FSTL4: variants seen among roughly 807,000 people sequenced by gnomAD.
FSTL4 encodes the protein follistatin like 4.
In FSTL4, 28 loss-of-function variants were observed where a neutral mutation model predicts 78.2. That is an observed-to-expected ratio of 0.36 (90% CI 0.27 to 0.49). The LOEUF is 0.49. FSTL4 is among the 20% of genes least tolerant of loss of function. The probability of loss-of-function intolerance (pLI) is 0.98; values close to 1 mark genes in which losing one functional copy is unlikely to be tolerated. For synonymous variants in FSTL4, 422 were observed against 440.5 expected (o/e 0.96, Z 0.53); for missense variants, 922 against 1,084.9 (o/e 0.85, Z 2.11).
the FSTL4 span, among the ~76,000 whole-genome samples, chr5:133,752,532 C>T: frequency 6.6e-6 from 1 of 152,060 alleles, no homozygotes; most frequent in African/African-American, 2.4e-5. Flanking sequence ...ATCACTTGAA[C>T]CCGGGAGGCA....
chr5:133,201,723 A>G (rs905315750), intron 15 of FSTL4, among the ~76,000 whole-genome samples: 3 of 152,174 alleles, frequency 2.0e-5, no homozygotes, highest in African/African-American at 7.2e-5. Context: ...GGGTGCCTTC[A>G]GTATAATAGA....
At chr5:133,353,184 C>T (rs1167561423) in intron 4 of FSTL4, among the ~76,000 whole-genome samples, 1 of 152,184 alleles carries the variant, frequency 6.6e-6, no homozygotes, top group Non-Finnish European at 1.5e-5. Flanking sequence ...TACAAATAAA[C>T]ACCCTCCTGC....
chr5:133,829,734 C>T, the FSTL4 span, among the ~76,000 whole-genome samples: 2 of 152,206 alleles, frequency 1.3e-5, no homozygotes, highest in African/African-American at 2.4e-5. Flanking sequence ...GCCAATTCTT[C>T]TTATGAAGTC....
the FSTL4 span, among the ~76,000 whole-genome samples, chr5:133,738,304 T>C: frequency 6.6e-6 from 1 of 152,198 alleles, no homozygotes; most frequent in Non-Finnish European, 1.5e-5. Context: ...CTTACCAAGT[T>C]TTGCTTGTTT....
chr5:133,665,303 C>T, the FSTL4 span, among the ~76,000 whole-genome samples: 1 of 152,306 alleles, frequency 6.6e-6, no homozygotes, highest in Middle Eastern at 3.4e-3. Flanking sequence ...TTTGGTCAGG[C>T]CATGTTCCAT....
the FSTL4 span, among the ~76,000 whole-genome samples, chr5:133,674,285 A>G: frequency 6.6e-6 from 1 of 152,006 alleles, no homozygotes; most frequent in Non-Finnish European, 1.5e-5. Flanking sequence ...TATGACAACA[A>G]TTTCCCCCTC....
At chr5:133,685,182 C>A in the FSTL4 span, among the ~76,000 whole-genome samples, 60,124 of 151,990 alleles carry the variant, frequency 0.4, 12,033 homozygotes, top group African/African-American at 0.45. Flanking sequence ...AGGAGCCTGC[C>A]CCTGGGGCTC....
the FSTL4 span, among the ~76,000 whole-genome samples, chr5:133,707,458 A>G: frequency 6.6e-6 from 1 of 152,198 alleles, no homozygotes; most frequent in Non-Finnish European, 1.5e-5. Flanking sequence ...AAAACCAAAT[A>G]GCGCCAAACA....
At position 133,372,217 on chromosome 5, in the gene FSTL4, C is replaced by CTATCTATGTATCTATG. The variant is rs1554108966; in HGVS notation, c.409+28505_409+28520dup. Among the ~76,000 whole-genome samples the CTATCTATGTATCTATG allele has an allele frequency of 3.4e-5, 5 of 147,886 alleles. No individual in the cohort carries two copies. In the South Asian group the frequency reaches 8.8e-4, roughly 26 times the overall value. ...ATTTGAGGACTGGCAGGGGAATTAT[C>CTATCTATGTATCTATG]TATCTATGTATCTATGTATCTATGT... On this transcript the variant is annotated intron_variant, in intron 4 of 15. Coordinates refer to ENST00000265342, the MANE Select transcript of FSTL4 (RefSeq NM_015082.2).
intron 4 of FSTL4, among the ~76,000 whole-genome samples, chr5:133,326,823 T>C (rs1006742813): frequency 2.0e-5 from 3 of 152,222 alleles, no homozygotes; most frequent in African/African-American, 7.2e-5. Context: ...CTTGGGTGAA[T>C]AACTTCACGT....
chr5:133,703,906 G>C, the FSTL4 span, among the ~76,000 whole-genome samples: 2 of 152,210 alleles, frequency 1.3e-5, no homozygotes, highest in African/African-American at 4.8e-5. Flanking sequence ...AGGCGGCAAA[G>C]CTTGATTTTC....
intron 3 of FSTL4, among the ~76,000 whole-genome samples, chr5:133,475,748 GA>G (rs1757914237): frequency 6.6e-6 from 1 of 152,162 alleles, no homozygotes; most frequent in Non-Finnish European, 1.5e-5. Flanking sequence ...GAGCTCCTGT[GA>G]TAACATAAAC....
At chr5:133,740,649 A>G in the FSTL4 span, among the ~76,000 whole-genome samples, 1 of 152,136 alleles carries the variant, frequency 6.6e-6, no homozygotes, top group African/African-American at 2.4e-5. Context: ...TCTCTACACC[A>G]TTTATAAGAA....
chr5:133,737,731 A>G, the FSTL4 span, among the ~76,000 whole-genome samples: 2 of 150,304 alleles, frequency 1.3e-5, no homozygotes, highest in Non-Finnish European at 2.9e-5. Context: ...CAGCCTCCCT[A>G]GTAGCTGGGA....
At chr5:133,264,218 T>C (rs1242704320) in intron 6 of FSTL4, among the ~76,000 whole-genome samples, 2 of 152,218 alleles carry the variant, frequency 1.3e-5, no homozygotes, top group Admixed American at 6.5e-5. Context: ...TGTTGAGAAC[T>C]GTGCTATATA....
At chr5:133,673,713 C>T in the FSTL4 span, among the ~76,000 whole-genome samples, 2 of 152,142 alleles carry the variant, frequency 1.3e-5, no homozygotes, top group Non-Finnish European at 2.9e-5. Flanking sequence ...GCACAGAGCT[C>T]TGGCCAGGAA....
chr5:133,725,107 T>C, the FSTL4 span, among the ~76,000 whole-genome samples: 2 of 152,218 alleles, frequency 1.3e-5, no homozygotes, highest in Admixed American at 1.3e-4. Flanking sequence ...GCCATCTTGA[T>C]TACTGTAGCT....
intron 4 of FSTL4, among the ~76,000 whole-genome samples, chr5:133,356,919 C>T (rs1164209573): frequency 6.6e-6 from 1 of 152,220 alleles, no homozygotes; most frequent in Admixed American, 6.5e-5. Context: ...GTGCTGGAGG[C>T]TGAGCTGGTA....
intron 3 of FSTL4, among the ~76,000 whole-genome samples, chr5:133,476,126 G>C (rs776703252): frequency 3.5e-4 from 53 of 152,256 alleles, no homozygotes; most frequent in Middle Eastern, 3.4e-3. Flanking sequence ...AGGCTGCTGG[G>C]GCAAAAACGG....
Sources: gnomAD v4.1 joint callset for allele counts (sites outside exome capture counted in the v4.1 genomes callset) on GRCh38, gnomAD v4.1.1 for gene constraint, MANE v1.5 for transcripts, NCBI Gene and HGNC (gene_info 2026-07-23, HGNC 2026-07-21) for gene names.